Variants in ZFPM2 observed in about 807,000 individuals in gnomAD.
ZFPM2 encodes zinc finger protein, FOG family member 2.
ZFPM2 carries 20 observed loss-of-function variants against 98.6 expected under a neutral mutation model. The ratio of observed to expected loss-of-function variants is 0.20; its 90% CI spans 0.14 to 0.29. The LOEUF is 0.29. ZFPM2 is among the 10% of genes least tolerant of loss of function. ZFPM2 has a pLI of 1.00. For missense variants in ZFPM2, 1,310 were observed against 1,388.6 expected, an observed-to-expected ratio of 0.94 and a Z score of 0.90; for synonymous variants, 518 against 502.7, an observed-to-expected ratio of 1.03 and a Z score of -0.41.
chr8:105,627,979 A>G (rs1816689679), intron 4 of ZFPM2, among the ~76,000 whole-genome samples: 1 of 152,254 alleles, frequency 6.6e-6, no homozygotes, highest in African/African-American at 2.4e-5. Flanking sequence ...AAATATGACC[A>G]GAGCCTGAGA....
At chr8:105,657,784 A>C (rs1308303602) in intron 5 of ZFPM2, among the ~76,000 whole-genome samples, 1 of 152,156 alleles carries the variant, frequency 6.6e-6, no homozygotes, top group Non-Finnish European at 1.5e-5. Context: ...CATAATTTGG[A>C]TCTAGGTTTG....
At chr8:105,459,587 A>C (rs1174047057) in intron 3 of ZFPM2, among the ~76,000 whole-genome samples, 1 of 152,148 alleles carries the variant, frequency 6.6e-6, no homozygotes, top group East Asian at 1.9e-4. Context: ...TCCAAAATCA[A>C]GGTATCAGCA....
At chr8:105,793,606 G>A (rs1373391708) in intron 6 of ZFPM2, among the ~76,000 whole-genome samples, 8 of 152,070 alleles carry the variant, frequency 5.3e-5, no homozygotes, top group Non-Finnish European at 8.8e-5. Context: ...GGTGTTCTCT[G>A]TATTTCCTGA....
At chr8:105,751,766 G>A (rs1432355480) in intron 5 of ZFPM2, among the ~76,000 whole-genome samples, 2 of 151,304 alleles carry the variant, frequency 1.3e-5, no homozygotes, top group Admixed American at 1.3e-4. Context: ...GGATGGTGCT[G>A]TGGTAGATTT....
intron 5 of ZFPM2, among the ~76,000 whole-genome samples, chr8:105,643,060 A>G (rs935259471): frequency 6.6e-6 from 1 of 152,180 alleles, no homozygotes; most frequent in Non-Finnish European, 1.5e-5. Context: ...AAACCTTAGC[A>G]TGGAAGCAGC....
chr8:105,400,947 T>C (rs944472661), intron 1 of ZFPM2, among the ~76,000 whole-genome samples: 6 of 151,908 alleles, frequency 3.9e-5, no homozygotes, highest in African/African-American at 1.4e-4. Flanking sequence ...ACAGTGCTGC[T>C]CTAGGGAGTC....
chr8:105,759,708 T>C (rs1812694507), intron 5 of ZFPM2, among the ~76,000 whole-genome samples: 2 of 151,864 alleles, frequency 1.3e-5, no homozygotes, highest in African/African-American at 4.8e-5. Context: ...CTAGTAGGCA[T>C]GGTGAAATGA....
chr8:105,387,779 A>C (rs1811031106), intron 1 of ZFPM2: 1 of 153,076 alleles, frequency 6.5e-6, no homozygotes, highest in South Asian at 2.1e-4. Flanking sequence ...GTGCCGCCAA[A>C]GTGGGAGCCC....
At chr8:105,357,702 A>T (rs1053738468) in intron 1 of ZFPM2, among the ~76,000 whole-genome samples, 3 of 152,310 alleles carry the variant, frequency 2.0e-5, no homozygotes, top group Admixed American at 6.5e-5. Context: ...ACCTAAAGAT[A>T]AATAGAGATA....
intron 3 of ZFPM2, among the ~76,000 whole-genome samples, chr8:105,467,624 A>G (rs1422745037): frequency 6.6e-6 from 1 of 152,142 alleles, no homozygotes; most frequent in African/African-American, 2.4e-5. Flanking sequence ...TCAGGTAGTT[A>G]CCATGTCACC....
At chr8:105,658,570 CA>C (rs1224173830) in intron 5 of ZFPM2, among the ~76,000 whole-genome samples, 5 of 26,442 alleles carry the variant, frequency 1.9e-4, no homozygotes, top group African/African-American at 1.0e-3. Flanking sequence ...GCCTGGGCGA[CA>C]GCGAGACTCC....
Position 105,798,903 on chromosome 8 carries a change from T to G in ZFPM2, c.919T>G (p.Phe307Val), listed in dbSNP as rs1813917226. 5 of 1,613,796 alleles carry G rather than the reference T, an allele frequency of 3.1e-6. No individual in the cohort carries two copies. The highest frequency in any genetic ancestry group is 1.3e-5 in the African/African-American group (1 of 74,910). ...CCCCTTCCCACAGTGCACCAAGAGC[T>G]TTTCAAATGCTCGAGCTCTAGAAAT... ...LCPFPQCTKS[F>V]SNARALEMHL... Residue 307 changes from phenylalanine to valine, a missense_variant, in exon 7 of 8, where the codon TTT becomes GTT. Physicochemically the swap from Phe to Val is conservative, Grantham distance 50 (BLOSUM62 -1). Coordinates refer to ENST00000407775, the MANE Select transcript of ZFPM2 (RefSeq NM_012082.4).
At chr8:105,538,637 C>CT (rs536507042) in intron 3 of ZFPM2, among the ~76,000 whole-genome samples, 19 of 146,976 alleles carry the variant, frequency 1.3e-4, no homozygotes, top group African/African-American at 2.2e-4. Context: ...TTATTATGGG[C>CT]TTTTTTTTTT....
intron 1 of ZFPM2, among the ~76,000 whole-genome samples, chr8:105,345,717 T>C (rs1210752576): frequency 1.3e-5 from 2 of 152,240 alleles, no homozygotes; most frequent in East Asian, 3.9e-4. Flanking sequence ...ATTGTTAAGA[T>C]TGATGTAGTA....
chr8:105,737,132 G>T (rs995869671), intron 5 of ZFPM2: 3 of 151,940 alleles, frequency 2.0e-5, no homozygotes, highest in African/African-American at 7.2e-5. Flanking sequence ...GGAGAACAAG[G>T]GAGTTTGTGT....
intron 5 of ZFPM2, among the ~76,000 whole-genome samples, chr8:105,708,332 G>A (rs12680863): frequency 0.33 from 49,728 of 152,048 alleles, 8,693 homozygotes; most frequent in East Asian, 0.63. Context: ...AATTGTGTAT[G>A]TTGTTTTACC....
At chr8:105,377,898 C>A (rs1382689198) in intron 1 of ZFPM2, among the ~76,000 whole-genome samples, 2 of 152,142 alleles carry the variant, frequency 1.3e-5, no homozygotes, top group Admixed American at 1.3e-4. Flanking sequence ...AATTTGATTT[C>A]TTTGAAGTTT....
intron 1 of ZFPM2, among the ~76,000 whole-genome samples, chr8:105,332,254 C>T (rs371989596): frequency 1.4e-4 from 22 of 151,810 alleles, no homozygotes; most frequent in African/African-American, 4.8e-4. Flanking sequence ...CCATAACTTA[C>T]GTATTTGTTA....
intron 3 of ZFPM2, among the ~76,000 whole-genome samples, chr8:105,524,524 CTA>C (rs1257354751): frequency 6.6e-6 from 1 of 151,792 alleles, no homozygotes; most frequent in South Asian, 2.1e-4. Context: ...CACACTGAAA[CTA>C]TTCAATTTTA....
Sources: allele counts gnomAD v4.1 joint callset (sites outside exome capture counted in the v4.1 genomes callset), GRCh38; gene constraint gnomAD v4.1.1; transcripts MANE v1.5; gene names NCBI Gene and HGNC (gene_info 2026-07-23, HGNC 2026-07-21).